CLSTN2: variants seen among roughly 807,000 people sequenced by gnomAD.
CLSTN2 encodes the protein calsyntenin-2.
A neutral mutation model predicts 101.2 loss-of-function variants in CLSTN2; 48 were observed. The ratio of observed to expected loss-of-function variants is 0.47; its 90% confidence interval spans 0.38 to 0.60. The LOEUF is 0.60. Among genes scored for constraint, CLSTN2 ranks in the 20% least tolerant of loss-of-function variants. The pLI is 0.00. For missense variants in CLSTN2, 1,160 were observed against 1,238.2 expected, an observed-to-expected ratio of 0.94 and a Z score of 0.95; for synonymous variants, 481 against 463.6, an observed-to-expected ratio of 1.04 and a Z score of -0.48.
intron 1 of CLSTN2, among the ~76,000 whole-genome samples, chr3:140,103,440 C>T (rs2107791142): frequency 6.6e-6 from 1 of 152,284 alleles, no homozygotes; most frequent in South Asian, 2.1e-4. Flanking sequence ...TGTCAACCTC[C>T]CACGACTGCC....
chr3:140,330,015 G>A (rs1266036383), intron 2 of CLSTN2, among the ~76,000 whole-genome samples: 1 of 152,200 alleles, frequency 6.6e-6, no homozygotes, highest in Non-Finnish European at 1.5e-5. Context: ...GCTGGAAGTT[G>A]TCCTTCCTAG....
intron 9 of CLSTN2, among the ~76,000 whole-genome samples, chr3:140,535,962 A>C (rs1935351176): frequency 6.6e-6 from 1 of 152,296 alleles, no homozygotes; most frequent in South Asian, 2.1e-4. Context: ...ACATATGACA[A>C]CCCTGTAATA....
intron 1 of CLSTN2, among the ~76,000 whole-genome samples, chr3:140,089,777 A>AT (rs1241287264): frequency 6.6e-6 from 1 of 151,074 alleles, no homozygotes; most frequent in African/African-American, 2.4e-5. Flanking sequence ...TACCTGGCCT[A>AT]TTTTTTGTAT....
intron 1 of CLSTN2, among the ~76,000 whole-genome samples, chr3:140,164,191 G>T (rs994162638): frequency 1.3e-5 from 2 of 150,074 alleles, no homozygotes; most frequent in South Asian, 4.2e-4. Flanking sequence ...ATCTTTTTCT[G>T]CATGGCTCCT....
At chr3:140,200,950 C>A (rs1007665557) in intron 2 of CLSTN2, among the ~76,000 whole-genome samples, 24 of 152,156 alleles carry the variant, frequency 1.6e-4, no homozygotes, top group Non-Finnish European at 3.1e-4. Flanking sequence ...AACCTTGAAA[C>A]TGCTTGTTCC....
At chr3:140,295,109 C>T (rs1400753621) in intron 2 of CLSTN2, among the ~76,000 whole-genome samples, 4 of 152,092 alleles carry the variant, frequency 2.6e-5, no homozygotes, top group Middle Eastern at 3.2e-3. Context: ...TCTAGAAATA[C>T]CTGGTTTTAT....
chr3:140,374,728 A>G (rs2087896996), intron 2 of CLSTN2, among the ~76,000 whole-genome samples: 1 of 152,222 alleles, frequency 6.6e-6, no homozygotes, highest in Non-Finnish European at 1.5e-5. Flanking sequence ...TGAAATCAGC[A>G]ATTTTGTTAA....
At chr3:140,076,004 T>G (rs552250688) in intron 1 of CLSTN2, among the ~76,000 whole-genome samples, 1 of 152,192 alleles carries the variant, frequency 6.6e-6, no homozygotes, top group African/African-American at 2.4e-5. Context: ...TTGTTAACTA[T>G]AGACCCACTG....
At chr3:140,557,003 A>G (rs1474488725) in intron 11 of CLSTN2, 1 of 206,154 alleles carries the variant, frequency 4.9e-6, no homozygotes, top group African/African-American at 2.3e-5. Context: ...AGTGCGTGGT[A>G]CACAGGAAGT....
chr3:140,030,293 G>A (rs1395262757), intron 1 of CLSTN2, among the ~76,000 whole-genome samples: 1 of 152,092 alleles, frequency 6.6e-6, no homozygotes, highest in Non-Finnish European at 1.5e-5. Context: ...GTGAAGAGTT[G>A]GGTAGCTTCC....
rs186997669 is a variant in CLSTN2, at chr3:140,018,217, T to C, written c.109+82734T>C. On this transcript the variant is annotated intron_variant, in intron 1 of 16. Coordinates refer to ENST00000458420, the MANE Select transcript of CLSTN2 (RefSeq NM_022131.3). ...TTCTGTGTCTGGAAGATGCTTTCAA[T>C]GTGACATTACGCTTCTATTCATATT... Among the ~76,000 whole-genome samples the C allele has an allele frequency of 2.2e-3, 337 of 152,360 alleles. 5 individuals carry two copies. Among genetic ancestry groups the C allele is most frequent in the East Asian group, 7.7e-4 (4 of 5,186 alleles).
chr3:140,531,036 C>T (rs1028337985), intron 8 of CLSTN2, among the ~76,000 whole-genome samples: 5 of 152,270 alleles, frequency 3.3e-5, no homozygotes, highest in Admixed American at 2.6e-4. Context: ...TTCAGGTCTG[C>T]CTGTGTGCCA....
chr3:140,263,448 C>T (rs1433174622), intron 2 of CLSTN2, among the ~76,000 whole-genome samples: 1 of 152,154 alleles, frequency 6.6e-6, no homozygotes, highest in Admixed American at 6.5e-5. Flanking sequence ...ATGGGGTTCA[C>T]TGGTTGCTCA....
intron 7 of CLSTN2, among the ~76,000 whole-genome samples, chr3:140,466,137 G>C (rs1048822888): frequency 3.3e-5 from 5 of 152,198 alleles, no homozygotes; most frequent in African/African-American, 1.2e-4. Flanking sequence ...TAGGTAGACA[G>C]AGAAGATGTG....
chr3:140,071,905 T>G (rs1196776258), intron 1 of CLSTN2, among the ~76,000 whole-genome samples: 1 of 152,052 alleles, frequency 6.6e-6, no homozygotes, highest in Non-Finnish European at 1.5e-5. Flanking sequence ...AACCTTCTTT[T>G]GATTAGAGAA....
At chr3:140,280,465 A>G (rs558844115) in intron 2 of CLSTN2, among the ~76,000 whole-genome samples, 17 of 152,294 alleles carry the variant, frequency 1.1e-4, no homozygotes, top group African/African-American at 3.8e-4. Context: ...GGGCAGCAAG[A>G]GGCAGCTAGG....
intron 1 of CLSTN2, among the ~76,000 whole-genome samples, chr3:140,010,830 G>A (rs1479814732): frequency 3.3e-5 from 5 of 152,200 alleles, no homozygotes; most frequent in Non-Finnish European, 5.9e-5. Context: ...TTGTTGTGAG[G>A]ACCCAGTGGA....
intron 2 of CLSTN2, among the ~76,000 whole-genome samples, chr3:140,364,439 T>C (rs981867339): frequency 1.3e-5 from 2 of 152,098 alleles, no homozygotes; most frequent in Non-Finnish European, 2.9e-5. Context: ...TTGCACACCA[T>C]TTGGTCTCTG....
chr3:140,094,811 A>G (rs1260433467), intron 1 of CLSTN2, among the ~76,000 whole-genome samples: 1 of 152,156 alleles, frequency 6.6e-6, no homozygotes, highest in Non-Finnish European at 1.5e-5. Context: ...GAAATTGGCA[A>G]TTTTCTGAAG....
Sources: allele counts gnomAD v4.1 joint callset (sites outside exome capture counted in the v4.1 genomes callset), GRCh38; gene constraint gnomAD v4.1.1; transcripts MANE v1.5; gene names NCBI Gene and HGNC (gene_info 2026-07-23, HGNC 2026-07-21).